Variants in FYN observed in about 807,000 individuals in gnomAD.
FYN encodes the protein tyrosine-protein kinase Fyn.
Under a neutral mutation model 70.2 loss-of-function variants are expected in FYN, and 10 were observed. The ratio of observed to expected loss-of-function variants is 0.14; its 90% CI spans 0.09 to 0.24. The LOEUF (loss-of-function observed/expected upper bound fraction) is 0.24, where lower values mean the gene tolerates loss of function less well. FYN is among the 10% of genes least tolerant of loss of function. The probability of loss-of-function intolerance (pLI) is 1.00; values close to 1 mark genes in which losing one functional copy is unlikely to be tolerated. For synonymous variants in FYN, 236 were observed against 248.6 expected, an observed-to-expected ratio of 0.95 and a Z score of 0.48; for missense variants, 319 against 673.1, an observed-to-expected ratio of 0.47 and a Z score of 5.82.
intron 2 of FYN, among the ~76,000 whole-genome samples, chr6:111,814,741 T>C (rs530898285): frequency 1.3e-5 from 2 of 152,304 alleles, no homozygotes; most frequent in South Asian, 2.1e-4. Flanking sequence ...ACTTGTTCTA[T>C]AACAAAAAGT....
At chr6:111,678,290 G>A (rs1165482823) in intron 12 of FYN, among the ~76,000 whole-genome samples, 1 of 152,004 alleles carries the variant, frequency 6.6e-6, no homozygotes, top group Non-Finnish European at 1.5e-5. Flanking sequence ...GTTGTCACTG[G>A]TACCCATGTC....
chr6:111,803,264 G>C (rs997741220), intron 2 of FYN, among the ~76,000 whole-genome samples: 1 of 152,214 alleles, frequency 6.6e-6, no homozygotes, highest in Non-Finnish European at 1.5e-5. Context: ...TCCTCTGAAA[G>C]TATTAATTCA....
chr6:111,782,318 GCA>G (rs1771205641), intron 2 of FYN, among the ~76,000 whole-genome samples: 1 of 152,096 alleles, frequency 6.6e-6, no homozygotes. Context: ...CCTTATCACA[GCA>G]CAGCAGGGAG....
chr6:111,782,158 C>T (rs1771200035), intron 2 of FYN, among the ~76,000 whole-genome samples: 1 of 152,090 alleles, frequency 6.6e-6, no homozygotes, highest in Non-Finnish European at 1.5e-5. Context: ...TTATCTTATG[C>T]CTCTTTATTT....
In FYN at chr6:111,811,837, C is replaced by T. The variant is rs151233004; in HGVS notation, c.-81-31202G>A. Among the ~76,000 whole-genome samples, 709 of 152,084 alleles carry T rather than the reference C, an allele frequency of 4.7e-3. 9 individuals are homozygous for T. Among genetic ancestry groups the T allele is most frequent in the Middle Eastern group, 0.014 (4 of 294 alleles). On this transcript the variant is annotated intron_variant, in intron 2 of 13. Coordinates refer to ENST00000354650, the MANE Select transcript of FYN (RefSeq NM_002037.5). ...AAACTGTCAGATTATATAGATTAGA[C>T]GTGGGCACTGCAGCGCCTATTGTGG...
chr6:111,785,658 TTTC>T (rs1469472218), intron 2 of FYN, among the ~76,000 whole-genome samples: 4 of 151,882 alleles, frequency 2.6e-5, no homozygotes, highest in African/African-American at 9.7e-5. Context: ...AGGAATTTTT[TTTC>T]TTTTTTTCTT....
intron 2 of FYN, among the ~76,000 whole-genome samples, chr6:111,834,947 C>T (rs1300300917): frequency 1.3e-5 from 2 of 152,180 alleles, no homozygotes; most frequent in East Asian, 1.9e-4. Flanking sequence ...TCCACCTTCC[C>T]CTATCCCCAT....
intron 2 of FYN, among the ~76,000 whole-genome samples, chr6:111,790,247 T>TAC (rs61565042): frequency 0.011 from 1,356 of 125,902 alleles, 8 homozygotes; most frequent in East Asian, 0.024. Flanking sequence ...GAACCTTAGA[T>TAC]ACACACACAC....
intron 2 of FYN, chr6:111,820,101 T>C (rs1288655555): frequency 1.3e-5 from 2 of 152,216 alleles, no homozygotes; most frequent in Non-Finnish European, 2.9e-5. Flanking sequence ...TGGTTTCTCC[T>C]TAAATCAGGG....
chr6:111,757,864 C>A (rs1802810254), intron 3 of FYN, among the ~76,000 whole-genome samples: 1 of 152,120 alleles, frequency 6.6e-6, no homozygotes, highest in African/African-American at 2.4e-5. Context: ...GGCATGGGGG[C>A]CTGGTCAGCT....
chr6:111,662,875 C>T (rs1163703947), intron 13 of FYN, among the ~76,000 whole-genome samples: 1 of 152,178 alleles, frequency 6.6e-6, no homozygotes, highest in Non-Finnish European at 1.5e-5. Context: ...CTACTGATGA[C>T]TTCAGCCAGG....
chr6:111,746,413 T>TA (rs1639379368), intron 3 of FYN, among the ~76,000 whole-genome samples: 1 of 152,234 alleles, frequency 6.6e-6, no homozygotes, highest in South Asian at 2.1e-4. Context: ...CATATAAAGG[T>TA]AATCATACAG....
chr6:111,748,204 A>G (rs990857336), intron 3 of FYN, among the ~76,000 whole-genome samples: 8 of 152,360 alleles, frequency 5.3e-5, no homozygotes, highest in Admixed American at 1.3e-4. Context: ...TGACTTGGGG[A>G]ATAGGTTTTG....
In FYN at chr6:111,783,510, T is replaced by C. The variant is rs147933976; in HGVS notation, c.-81-2875A>G. On this transcript the variant is annotated intron_variant, in intron 2 of 13. Transcript: ENST00000354650. ...CTGAATGATAACAAAACGGGTGGCA[T>C]GACTGTTTAATCTTTTGTTTCAAGA... 4.7e-3 allele frequency among the ~76,000 whole-genome samples: 718 copies of C among 152,360 alleles called. 3 individuals are homozygous for C. Among genetic ancestry groups the C allele is most frequent in the Non-Finnish European group, 8.1e-3 (550 of 68,034 alleles).
At chr6:111,828,625 G>A (rs1772912967) in intron 2 of FYN, among the ~76,000 whole-genome samples, 1 of 150,784 alleles carries the variant, frequency 6.6e-6, no homozygotes, top group Admixed American at 6.6e-5. Flanking sequence ...TAACCTGGAG[G>A]ACATTATGCT....
At chr6:111,833,558 T>C (rs1197539063) in intron 2 of FYN, among the ~76,000 whole-genome samples, 1 of 152,154 alleles carries the variant, frequency 6.6e-6, no homozygotes, top group African/African-American at 2.4e-5. Flanking sequence ...GATACCAAGA[T>C]GGAATCTACT....
intron 3 of FYN, among the ~76,000 whole-genome samples, chr6:111,769,506 A>G (rs1803358865): frequency 6.6e-6 from 1 of 152,190 alleles, no homozygotes; most frequent in East Asian, 1.9e-4. Context: ...ACCTTTACTG[A>G]TATTTCATTG....
intron 2 of FYN, among the ~76,000 whole-genome samples, chr6:111,783,338 A>G (rs995146665): frequency 1.3e-5 from 2 of 152,150 alleles, no homozygotes; most frequent in Non-Finnish European, 2.9e-5. Context: ...CTCCCCAATA[A>G]CCATGACTGA....
In FYN at chr6:111,838,907, A is replaced by G. The variant is rs566828588; in HGVS notation, c.-82+7682T>C. On this transcript the variant is annotated intron_variant, in intron 2 of 13. Coordinates refer to ENST00000354650, the MANE Select transcript of FYN (RefSeq NM_002037.5). ...CAGACTCTGGGTGGGTATGGCTTTC[A>G]GCCACAGACATTCAGAATCATATCA... Among the ~76,000 whole-genome samples, 3 of 152,354 alleles carry G rather than the reference A, an allele frequency of 2.0e-5. No homozygotes were observed. The East Asian group carries it at 5.8e-4, about 29-fold the overall frequency.
Sources: gnomAD v4.1 joint callset for allele counts (sites outside exome capture counted in the v4.1 genomes callset) on GRCh38, gnomAD v4.1.1 for gene constraint, MANE v1.5 for transcripts, NCBI Gene and HGNC (gene_info 2026-07-23, HGNC 2026-07-21) for gene names.